The following ARHGAP26 variants were observed in gnomAD, a reference collection of about 807,000 sequenced individuals.
The protein encoded by ARHGAP26 is rho GTPase-activating protein 26.
ARHGAP26 carries 38 observed loss-of-function variants against 104.8 expected under a neutral mutation model. That is an observed-to-expected ratio of 0.36 (90% CI 0.28 to 0.48). The LOEUF is 0.48. Ranked by LOEUF, ARHGAP26 falls within the 20% of genes least tolerant of loss-of-function variation. ARHGAP26 has a pLI of 0.99. For synonymous variants in ARHGAP26, 341 were observed against 340.0 expected (o/e 1.00, Z -0.03); for missense variants, 704 against 947.9 (o/e 0.74, Z 3.38).
intron 11 of ARHGAP26, among the ~76,000 whole-genome samples, chr5:143,008,989 T>C (rs924612206): frequency 6.6e-6 from 1 of 152,172 alleles, no homozygotes; most frequent in Non-Finnish European, 1.5e-5. Flanking sequence ...CCTCCTTTGA[T>C]TTATTAAATT....
intron 11 of ARHGAP26, among the ~76,000 whole-genome samples, chr5:142,963,196 A>G (rs1024785793): frequency 0.022 from 2,168 of 100,390 alleles, 83 homozygotes; most frequent in African/African-American, 0.093. Context: ...ATATATATAT[A>G]TATGTGTGTG....
intron 1 of ARHGAP26, among the ~76,000 whole-genome samples, chr5:142,775,571 T>C (rs980620843): frequency 1.3e-5 from 2 of 152,228 alleles, no homozygotes; most frequent in Non-Finnish European, 2.9e-5. Flanking sequence ...ATAATTACTA[T>C]CTCTTTCGAG....
At position 143,122,257 on chromosome 5, in the gene ARHGAP26, C is replaced by G. The variant is rs573287778; in HGVS notation, c.1698+1110C>G. 3.3e-5 allele frequency among the ~76,000 whole-genome samples: 5 copies of G among 152,316 alleles called. No homozygotes were observed. In the East Asian group the frequency reaches 7.7e-4, roughly 23 times the overall value. On this transcript the variant is annotated intron_variant, in intron 18 of 22. Transcript: ENST00000645722. ...ACCTGATCTCGTCTCCTGCATCTCT[C>G]CTATAGCCATCTTGTTTCTGCCTTG...
chr5:143,105,437 A>G (rs1793870721), intron 17 of ARHGAP26, among the ~76,000 whole-genome samples: 1 of 152,072 alleles, frequency 6.6e-6, no homozygotes, highest in African/African-American at 2.4e-5. Context: ...AAATAGGTCT[A>G]ACCTAAAGAC....
intron 18 of ARHGAP26, 33 bp downstream of exon 18, chr5:143,121,180 T>C (rs1420407827): frequency 2.5e-6 from 4 of 1,600,542 alleles, no homozygotes; most frequent in Admixed American, 3.4e-5. Flanking sequence ...CAGTGAAGAA[T>C]GTACCTGGGG....
intron 1 of ARHGAP26, among the ~76,000 whole-genome samples, chr5:142,865,351 T>A (rs1413508673): frequency 6.6e-6 from 1 of 152,224 alleles, no homozygotes; most frequent in African/African-American, 2.4e-5. Flanking sequence ...CACTTAACTC[T>A]CAATGTTCTT....
At chr5:142,789,807 A>G (rs1033368890) in intron 1 of ARHGAP26, among the ~76,000 whole-genome samples, 1 of 152,118 alleles carries the variant, frequency 6.6e-6, no homozygotes, top group African/African-American at 2.4e-5. Flanking sequence ...ACATATCTAG[A>G]CTGGGTTATG....
chr5:143,048,135 C>G (rs1784481899), intron 14 of ARHGAP26, among the ~76,000 whole-genome samples: 2 of 152,082 alleles, frequency 1.3e-5, no homozygotes, highest in African/African-American at 4.8e-5. Context: ...AAGGCGTGAG[C>G]CACCGCACCT....
chr5:143,190,035 G>GAA (rs1342197102), intron 20 of ARHGAP26, among the ~76,000 whole-genome samples: 2 of 144,774 alleles, frequency 1.4e-5, no homozygotes, highest in African/African-American at 2.6e-5. Context: ...GGAGGGGGGG[G>GAA]AAAAAAAAAA....
intron 20 of ARHGAP26, chr5:143,169,998 A>G (rs2151120766): frequency 6.6e-6 from 1 of 152,350 alleles, no homozygotes; most frequent in Admixed American, 6.5e-5. Flanking sequence ...TTTTTTAAAA[A>G]TGAAGAAAAT....
At chr5:142,881,758 A>G (rs1188696472) in intron 4 of ARHGAP26, among the ~76,000 whole-genome samples, 1 of 152,226 alleles carries the variant, frequency 6.6e-6, no homozygotes, top group Non-Finnish European at 1.5e-5. Context: ...CCCAGGGAGC[A>G]GTCTCAAGAA....
intron 20 of ARHGAP26, among the ~76,000 whole-genome samples, chr5:143,192,028 A>G (rs1806006457): frequency 6.6e-6 from 1 of 152,284 alleles, no homozygotes; most frequent in African/African-American, 2.4e-5. Flanking sequence ...CATTCTTTTA[A>G]CTATTTACTT....
chr5:143,207,155 T>C (rs767544596), intron 20 of ARHGAP26, 43 bp from the exon 21 acceptor site: 2 of 1,594,354 alleles, frequency 1.3e-6, no homozygotes, highest in East Asian at 2.2e-5. Flanking sequence ...CCATTGTGGT[T>C]TCCCTGTGTG....
chr5:143,149,071 G>A (rs1399094152), intron 20 of ARHGAP26, among the ~76,000 whole-genome samples: 6 of 152,016 alleles, frequency 3.9e-5, no homozygotes, highest in Admixed American at 3.9e-4. Flanking sequence ...GAGAAGGCTT[G>A]GGATTTTTTG....
At chr5:142,833,874 A>G (rs928013079) in intron 1 of ARHGAP26, among the ~76,000 whole-genome samples, 13 of 152,094 alleles carry the variant, frequency 8.5e-5, no homozygotes, top group African/African-American at 3.1e-4. Context: ...ATTTCAAACT[A>G]CCACTTGGAA....
intron 10 of ARHGAP26, among the ~76,000 whole-genome samples, chr5:142,916,739 C>T (rs1762536882): frequency 6.6e-6 from 1 of 152,134 alleles, no homozygotes; most frequent in Non-Finnish European, 1.5e-5. Context: ...ATTACTTGAC[C>T]AGGCAAAAGG....
intron 14 of ARHGAP26, among the ~76,000 whole-genome samples, chr5:143,043,427 CT>C (rs1192394804): frequency 1.3e-5 from 2 of 152,094 alleles, no homozygotes; most frequent in African/African-American, 4.8e-5. Flanking sequence ...ATGTACTGCA[CT>C]TTGTCGAACC....
intron 11 of ARHGAP26, among the ~76,000 whole-genome samples, chr5:142,959,543 C>T (rs757706673): frequency 7.2e-5 from 11 of 152,188 alleles, no homozygotes; most frequent in Non-Finnish European, 1.3e-4. Context: ...AGCCAGGACC[C>T]CCTCCCAGCC....
intron 17 of ARHGAP26, among the ~76,000 whole-genome samples, chr5:143,097,860 C>G (rs752550098): frequency 6.6e-6 from 1 of 150,474 alleles, no homozygotes; most frequent in Non-Finnish European, 1.5e-5. Context: ...ACGCAACCTA[C>G]TGATGTCTAA....
Sources: allele counts gnomAD v4.1 joint callset (sites outside exome capture counted in the v4.1 genomes callset), GRCh38; gene constraint gnomAD v4.1.1; transcripts MANE v1.5; gene names NCBI Gene and HGNC (gene_info 2026-07-23, HGNC 2026-07-21).